KAZN: variants seen among roughly 807,000 people sequenced by gnomAD.
The protein encoded by KAZN is kazrin.
In KAZN, 40 loss-of-function variants were observed where a neutral mutation model predicts 87.4. That is an observed-to-expected ratio of 0.46 (90% confidence interval 0.36 to 0.60). The LOEUF (loss-of-function observed/expected upper bound fraction) is 0.60. Ranked by LOEUF, KAZN falls within the 20% of genes least tolerant of loss-of-function variation. The probability of loss-of-function intolerance (pLI) is 0.00; values close to 1 mark genes in which losing one functional copy is unlikely to be tolerated. For missense variants in KAZN, 898 were observed against 1,073.9 expected (o/e 0.84, Z 2.29); for synonymous variants, 466 against 458.3 (o/e 1.02, Z -0.22).
intron 2 of KAZN, among the ~76,000 whole-genome samples, chr1:14,401,765 AG>A (rs1663429163): frequency 6.6e-6 from 1 of 152,214 alleles, no homozygotes; most frequent in Non-Finnish European, 1.5e-5. Context: ...TAATATCATT[AG>A]TTCAGTAGGT....
intron 4 of KAZN, among the ~76,000 whole-genome samples, chr1:15,054,844 G>A (rs553813239): frequency 2.0e-5 from 3 of 152,356 alleles, no homozygotes; most frequent in Admixed American, 6.5e-5. Flanking sequence ...CAGTCGAGGC[G>A]GCCTCCCGGC....
chr1:14,390,745 CT>C (rs1662345897), intron 2 of KAZN: 1 of 152,438 alleles, frequency 6.6e-6, no homozygotes, highest in African/African-American at 2.4e-5. Context: ...GGCCTTCTTG[CT>C]GCATCCTCCC....
chr1:14,182,340 G>A (rs143130848), intron 2 of KAZN, among the ~76,000 whole-genome samples: 15 of 152,236 alleles, frequency 9.9e-5, no homozygotes, highest in African/African-American at 3.1e-4. Flanking sequence ...AGGTAGAAAC[G>A]TCATGTGGAA....
At chr1:14,391,973 C>A (rs2101093259) in intron 2 of KAZN, among the ~76,000 whole-genome samples, 1 of 152,302 alleles carries the variant, frequency 6.6e-6, no homozygotes, top group African/African-American at 2.4e-5. Context: ...TCCAAATCCC[C>A]ACTTGAACTA....
intron 2 of KAZN, among the ~76,000 whole-genome samples, chr1:14,361,584 CGA>C (rs1473509662): frequency 2.0e-5 from 3 of 152,200 alleles, no homozygotes; most frequent in Non-Finnish European, 4.4e-5. Flanking sequence ...TGTAGGCACC[CGA>C]GAGAATCTCC....
intron 2 of KAZN, among the ~76,000 whole-genome samples, chr1:14,316,051 C>T (rs1175700497): frequency 6.6e-6 from 1 of 152,020 alleles, no homozygotes; most frequent in Non-Finnish European, 1.5e-5. Flanking sequence ...CGCATCTGCA[C>T]CAAACTTTAT....
intron 1 of KAZN, among the ~76,000 whole-genome samples, chr1:14,922,940 A>G (rs1658698443): frequency 6.6e-6 from 1 of 152,296 alleles, no homozygotes; most frequent in South Asian, 2.1e-4. Flanking sequence ...TGGCCAGGCC[A>G]CTGTGGTTGC....
chr1:14,093,965 T>A (rs958022000), intron 1 of KAZN, among the ~76,000 whole-genome samples: 1 of 152,182 alleles, frequency 6.6e-6, no homozygotes, highest in East Asian at 1.9e-4. Flanking sequence ...TTCCCAGGTA[T>A]GGGGTAGGAC....
chr1:14,671,249 G>A (rs899069739), intron 1 of KAZN, among the ~76,000 whole-genome samples: 1 of 152,188 alleles, frequency 6.6e-6, no homozygotes, highest in African/African-American at 2.4e-5. Flanking sequence ...CTTACTTACA[G>A]CATTTCCCCT....
At chr1:14,185,160 T>A (rs1646277483) in intron 2 of KAZN, among the ~76,000 whole-genome samples, 1 of 152,130 alleles carries the variant, frequency 6.6e-6, no homozygotes, top group Non-Finnish European at 1.5e-5. Flanking sequence ...GTACCGCACA[T>A]GTGGGTTTTC....
intron 2 of KAZN, among the ~76,000 whole-genome samples, chr1:14,520,310 T>A (rs777627498): frequency 9.2e-5 from 14 of 151,876 alleles, no homozygotes; most frequent in Non-Finnish European, 1.9e-4. Flanking sequence ...CACAGCCCAA[T>A]GGAGGAGACA....
chr1:14,796,016 G>A (rs1221335489), intron 1 of KAZN, among the ~76,000 whole-genome samples: 2 of 152,012 alleles, frequency 1.3e-5, no homozygotes, highest in East Asian at 3.9e-4. Context: ...CCTCCCCACC[G>A]CCTCCACTAG....
At chr1:14,355,756 GA>G (rs1658968090) in intron 2 of KAZN, among the ~76,000 whole-genome samples, 1 of 152,140 alleles carries the variant, frequency 6.6e-6, no homozygotes, top group African/African-American at 2.4e-5. Context: ...CAAATGACAT[GA>G]ACTCATCCTT....
chr1:14,018,897 G>A (rs1003406216), intron 1 of KAZN, among the ~76,000 whole-genome samples: 1 of 152,098 alleles, frequency 6.6e-6, no homozygotes, highest in Non-Finnish European at 1.5e-5. Flanking sequence ...CATGCTACCA[G>A]CATCCCACAC....
At chr1:14,744,495 G>A (rs774614270) in intron 1 of KAZN, among the ~76,000 whole-genome samples, 1 of 152,308 alleles carries the variant, frequency 6.6e-6, no homozygotes, top group East Asian at 1.9e-4. Context: ...TTGGGAGGCT[G>A]AGGTAGGACA....
At chr1:14,496,375 T>C (rs914052345) in intron 2 of KAZN, among the ~76,000 whole-genome samples, 6 of 152,148 alleles carry the variant, frequency 3.9e-5, no homozygotes, top group African/African-American at 1.4e-4. Flanking sequence ...GAATAACTTA[T>C]GTGTTGTTGG....
At chr1:14,053,460 A>G (rs1402352488) in intron 1 of KAZN, among the ~76,000 whole-genome samples, 4 of 152,186 alleles carry the variant, frequency 2.6e-5, no homozygotes, top group African/African-American at 9.7e-5. Flanking sequence ...TGTCATGAGC[A>G]GCTATGTTTT....
At chr1:14,145,458 A>C (rs918416528) in intron 1 of KAZN, among the ~76,000 whole-genome samples, 6 of 152,054 alleles carry the variant, frequency 3.9e-5, no homozygotes, top group African/African-American at 1.4e-4. Flanking sequence ...AAAAAGACAC[A>C]CACACACACC....
intron 2 of KAZN, among the ~76,000 whole-genome samples, chr1:14,415,036 A>C (rs1403106318): frequency 2.0e-5 from 3 of 152,144 alleles, no homozygotes; most frequent in Non-Finnish European, 4.4e-5. Flanking sequence ...AAAATAAATA[A>C]ATACGTACGT....
Sources: gnomAD v4.1 joint callset for allele counts (sites outside exome capture counted in the v4.1 genomes callset) on GRCh38, gnomAD v4.1.1 for gene constraint, MANE v1.5 for transcripts, NCBI Gene and HGNC (gene_info 2026-07-23, HGNC 2026-07-21) for gene names.